Variants in POLR3B observed in about 807,000 individuals in gnomAD.
POLR3B encodes the protein DNA-directed RNA polymerase III subunit RPC2.
Under a neutral mutation model 147.4 loss-of-function variants are expected in POLR3B, and 96 were observed. That is an observed-to-expected ratio of 0.65 (90% CI 0.55 to 0.77). The LOEUF is 0.77. POLR3B is among the 30% of genes least tolerant of loss of function. The probability of loss-of-function intolerance (pLI) is 0.00; values close to 1 mark genes in which losing one functional copy is unlikely to be tolerated. For missense variants in POLR3B, 1,036 were observed against 1,413.5 expected (o/e 0.73, Z 4.28); for synonymous variants, 461 against 485.9 (o/e 0.95, Z 0.67).
intron 12 of POLR3B, among the ~76,000 whole-genome samples, chr12:106,416,710 A>G (rs1283786849): frequency 6.6e-6 from 1 of 151,824 alleles, no homozygotes; most frequent in Non-Finnish European, 1.5e-5. Context: ...TTCCCCTGAA[A>G]CTCCTCCATG....
At chr12:106,358,193 G>A in intron 1 of POLR3B, 2 of 1,426,942 alleles carry the variant, frequency 1.4e-6, no homozygotes, top group Non-Finnish European at 1.8e-6. Context: ...CCCCGCTGCT[G>A]GCTCTAGGGT....
At chr12:106,414,242 T>A (rs952903378) in intron 12 of POLR3B, among the ~76,000 whole-genome samples, 13 of 107,038 alleles carry the variant, frequency 1.2e-4, no homozygotes, top group South Asian at 3.2e-4. Flanking sequence ...AAAAAAAAAA[T>A]TCCAATCAGT....
chr12:106,453,458 G>A (rs2037823908), intron 19 of POLR3B, among the ~76,000 whole-genome samples: 1 of 152,044 alleles, frequency 6.6e-6, no homozygotes, highest in African/African-American at 2.4e-5. Context: ...AGGTACTTCG[G>A]AGTGTGTGTG....
intron 2 of POLR3B, among the ~76,000 whole-genome samples, chr12:106,364,833 G>T (rs1476251748): frequency 6.6e-6 from 1 of 152,208 alleles, no homozygotes; most frequent in East Asian, 1.9e-4. Context: ...CTAAGTGAAA[G>T]AATGGAGACT....
intron 23 of POLR3B, among the ~76,000 whole-genome samples, chr12:106,486,240 G>T (rs2038336560): frequency 7.8e-6 from 1 of 128,384 alleles, no homozygotes; most frequent in South Asian, 2.8e-4. Context: ...AGCGAGCCTA[G>T]ATTGGGCCAC....
intron 13 of POLR3B, 93 bp from the exon 14 acceptor site, chr12:106,430,180 A>G (rs2037488619): frequency 1.1e-6 from 1 of 872,800 alleles, no homozygotes; most frequent in African/African-American, 1.6e-5. Flanking sequence ...GTAAGCATGA[A>G]GCTCCTGTAA....
At chr12:106,404,806 T>C (rs570558196) in intron 10 of POLR3B, among the ~76,000 whole-genome samples, 1 of 152,322 alleles carries the variant, frequency 6.6e-6, no homozygotes, top group South Asian at 2.1e-4. Flanking sequence ...TTTAAAGAAA[T>C]CTTGCCTACC....
chr12:106,407,022 C>G (rs1213811847), intron 11 of POLR3B, among the ~76,000 whole-genome samples: 2 of 152,172 alleles, frequency 1.3e-5, no homozygotes, highest in Non-Finnish European at 2.9e-5. Flanking sequence ...TCCGATTTTC[C>G]TGTATTAAAA....
In POLR3B at chr12:106,393,057, A is replaced by G. The variant is rs1015915667; in HGVS notation, c.750A>G (p.Glu250=). Residue 250 remains glutamate, a synonymous_variant, in exon 10 of 28, where the codon GAA becomes GAG. Coordinates refer to ENST00000228347, the MANE Select transcript of POLR3B (RefSeq NM_018082.6). ...CCATGGGTGTTGAGAGTGACCAGGA[A>G]ATTGTGCAGATGATTGGAACAGAGG... ...FKAMGVESDQ[E]IVQMIGTEEH... 8.7e-6 allele frequency: 14 copies of G among 1,614,060 alleles called. No individual in the cohort carries two copies. The highest frequency in any genetic ancestry group is 1.2e-5 in the Non-Finnish European group (14 of 1,180,024).
chr12:106,477,896 T>C lies in POLR3B; in HGVS notation c.2713+14276T>C, dbSNP rs1333803251. On this transcript the variant is annotated intron_variant, in intron 23 of 27. Transcript: ENST00000228347. The stretch of plus-strand genomic sequence containing the variant: ...CGGCCATCTTGGCTCCTCCCCTTTT[T>C]TTTTTTTTTTTTTTTTTTTTTTTTT... Among the ~76,000 whole-genome samples, 107 of 103,930 alleles carry C rather than the reference T, an allele frequency of 1.0e-3. 11 individuals carry two copies. Among genetic ancestry groups the C allele is most frequent in the African/African-American group, 3.0e-3 (84 of 27,836 alleles). The allele number at this position is 103,930 out of a possible 152,430, so 68.2% of individuals were successfully genotyped here. A position where few individuals can be genotyped will look rare whatever the true frequency, so the allele number is the denominator to read the frequency against.
intron 4 of POLR3B, among the ~76,000 whole-genome samples, chr12:106,367,630 A>G (rs2036552025): frequency 6.6e-6 from 1 of 152,178 alleles, no homozygotes; most frequent in Non-Finnish European, 1.5e-5. Context: ...CAAGAATACC[A>G]CAGAAGCAAT....
intron 27 of POLR3B, among the ~76,000 whole-genome samples, chr12:106,508,774 C>A (rs1304937273): frequency 6.6e-6 from 1 of 152,232 alleles, no homozygotes; most frequent in Non-Finnish European, 1.5e-5. Context: ...ACACACATTT[C>A]TTAGTTTTGC....
At chr12:106,508,941 T>C (rs116159230) in intron 27 of POLR3B, among the ~76,000 whole-genome samples, 2,522 of 152,312 alleles carry the variant, frequency 0.017, 72 homozygotes, top group African/African-American at 0.058. Context: ...GTGACAGAAA[T>C]CAAGTTATAA....
At chr12:106,506,887 G>A (rs998043873) in intron 27 of POLR3B, among the ~76,000 whole-genome samples, 1 of 152,186 alleles carries the variant, frequency 6.6e-6, no homozygotes, top group African/African-American at 2.4e-5. Context: ...CTGATCATGT[G>A]TGCTGGGTTG....
chr12:106,368,507 A>T lies in POLR3B; in HGVS notation c.228-768A>T, dbSNP rs533533035. 1.8e-4 allele frequency among the ~76,000 whole-genome samples: 27 copies of T among 152,236 alleles called. 1 individual carries two copies. The highest frequency in any genetic ancestry group is 6.3e-4 in the African/African-American group (26 of 41,534). On this transcript the variant is annotated intron_variant, in intron 4 of 27. Coordinates refer to ENST00000228347, the MANE Select transcript of POLR3B (RefSeq NM_018082.6). ...ATTTAACTTTTATCCCAATAATGAG[A>T]AATCTGGCTCCCATTATCTGCAAAA...
At chr12:106,449,470 A>C (rs1169096804) in intron 19 of POLR3B, among the ~76,000 whole-genome samples, 1 of 152,194 alleles carries the variant, frequency 6.6e-6, no homozygotes, top group African/African-American at 2.4e-5. Flanking sequence ...CCTAAAGCTA[A>C]CTACTAATAG....
intron 19 of POLR3B, among the ~76,000 whole-genome samples, chr12:106,450,542 C>T (rs1282652548): frequency 6.6e-6 from 1 of 152,028 alleles, no homozygotes; most frequent in Non-Finnish European, 1.5e-5. Flanking sequence ...AAAATAAAAA[C>T]AAAAACCAAG....
intron 23 of POLR3B, among the ~76,000 whole-genome samples, chr12:106,483,115 C>G (rs1369934299): frequency 6.6e-6 from 1 of 152,166 alleles, no homozygotes; most frequent in African/African-American, 2.4e-5. Flanking sequence ...ATATTCAAGT[C>G]CCACAGTTGG....
At chr12:106,452,971 G>T (rs1232477487) in intron 19 of POLR3B, among the ~76,000 whole-genome samples, 1 of 149,944 alleles carries the variant, frequency 6.7e-6, no homozygotes, top group African/African-American at 2.5e-5. Context: ...TCTTTCAGTA[G>T]TAATTGTCAA....
Sources: allele counts gnomAD v4.1 joint callset (sites outside exome capture counted in the v4.1 genomes callset), GRCh38; gene constraint gnomAD v4.1.1; transcripts MANE v1.5; gene names NCBI Gene and HGNC (gene_info 2026-07-23, HGNC 2026-07-21).